The following SKAP1 variants were observed in gnomAD, a reference collection of about 807,000 sequenced individuals.
The protein encoded by SKAP1 is src kinase associated phosphoprotein 1.
In SKAP1, 44 loss-of-function variants were observed where a neutral mutation model predicts 58.5. The observed-to-expected ratio is 0.75, with a 90% CI of 0.59 to 0.97. The LOEUF (loss-of-function observed/expected upper bound fraction) is 0.97. SKAP1 is among the 50% of genes least tolerant of loss of function. SKAP1 has a pLI of 0.00. For missense variants in SKAP1, 390 were observed against 435.2 expected (o/e 0.90, Z 0.92); for synonymous variants, 127 against 149.7 (o/e 0.85, Z 1.11).
chr17:48,186,454 T>A (rs949102537), intron 6 of SKAP1, among the ~76,000 whole-genome samples: 8 of 148,472 alleles, frequency 5.4e-5, no homozygotes, highest in South Asian at 2.1e-4. Context: ...AAGCTGCAGT[T>A]TTTATTTATT....
rs779454127 is a variant in SKAP1 at position 48,182,479 on chromosome 17, A to C, written c.568-22T>G. 10 of 1,554,830 alleles carry C rather than the reference A, an allele frequency of 6.4e-6. No homozygotes were observed. In the South Asian group the frequency reaches 9.1e-5, roughly 14 times the overall value. ...TAAACTAGAGAAAAATCAGTGAATTAATTTATCACTGTCACTAAAATTTCC... is the reference window on the plus strand; with the variant it reads ...TAAACTAGAGAAAAATCAGTGAATTCATTTATCACTGTCACTAAAATTTCC... On this transcript the variant is annotated intron_variant, in intron 7 of 12. Coordinates refer to ENST00000336915, the MANE Select transcript of SKAP1 (RefSeq NM_003726.4).
chr17:48,430,844 G>T (rs2067909625), upstream of SKAP1, among the ~76,000 whole-genome samples: 1 of 152,224 alleles, frequency 6.6e-6, no homozygotes, highest in Admixed American at 6.5e-5. Context: ...AGCTGAGGGA[G>T]AGGAGAACAG....
chr17:48,212,030 C>A (rs950817059), intron 4 of SKAP1, among the ~76,000 whole-genome samples: 31 of 150,718 alleles, frequency 2.1e-4, no homozygotes, highest in Admixed American at 4.7e-4. Flanking sequence ...TTGTTCTGGG[C>A]AGCCACGAAC....
intron 11 of SKAP1, among the ~76,000 whole-genome samples, chr17:48,161,815 A>G (rs940527418): frequency 1.3e-5 from 2 of 152,244 alleles, no homozygotes; most frequent in Non-Finnish European, 2.9e-5. Context: ...TTACCTAGCC[A>G]GAATGTTTTC....
chr17:48,232,384 G>A (rs893621424), intron 4 of SKAP1, among the ~76,000 whole-genome samples: 1 of 152,172 alleles, frequency 6.6e-6, no homozygotes, highest in East Asian at 1.9e-4. Context: ...ACCTTTTTAT[G>A]TAAAGATTTC....
At chr17:48,434,158 A>C (rs917810598), upstream of SKAP1, among the ~76,000 whole-genome samples, 4 of 152,114 alleles carry the variant, frequency 2.6e-5, no homozygotes, top group Non-Finnish European at 4.4e-5. Flanking sequence ...CTCGGTCCCA[A>C]CCCCATCAAC....
intron 9 of SKAP1, among the ~76,000 whole-genome samples, chr17:48,171,008 G>T (rs954507183): frequency 3.3e-5 from 5 of 150,182 alleles, no homozygotes; most frequent in African/African-American, 9.8e-5. Flanking sequence ...CGTCCAGCCA[G>T]TCAGTCTCAT....
At chr17:48,270,966 G>A (rs2065623942) in intron 4 of SKAP1, among the ~76,000 whole-genome samples, 1 of 151,854 alleles carries the variant, frequency 6.6e-6, no homozygotes, top group Non-Finnish European at 1.5e-5. Context: ...GTTGGTGGGA[G>A]GGGGGCATGA....
chr17:48,256,169 A>G (rs1169428732), intron 4 of SKAP1, among the ~76,000 whole-genome samples: 1 of 149,888 alleles, frequency 6.7e-6, no homozygotes, highest in Non-Finnish European at 1.5e-5. Context: ...TCTTCAGTTT[A>G]CCAAAATGTG....
intron 2 of SKAP1, among the ~76,000 whole-genome samples, chr17:48,367,717 A>G (rs2067027608): frequency 1.3e-5 from 2 of 151,758 alleles, no homozygotes; most frequent in African/African-American, 4.8e-5. Flanking sequence ...CAGGAGTTCA[A>G]GACCAGCTTG....
chr17:48,427,926 G>GAGACAAAT (rs879543026), intron 1 of SKAP1, among the ~76,000 whole-genome samples: 5 of 152,014 alleles, frequency 3.3e-5, no homozygotes, highest in Non-Finnish European at 5.9e-5. Context: ...TGTGGTGGGG[G>GAGACAAAT]AGACAAATAG....
chr17:48,397,248 T>C (rs12940365), intron 1 of SKAP1, among the ~76,000 whole-genome samples: 50,734 of 152,054 alleles, frequency 0.33, 9,165 homozygotes, highest in African/African-American at 0.47. Context: ...AGGGGGGGGA[T>C]GGAGTCTCAC....
chr17:48,397,727 A>G (rs766077419), intron 1 of SKAP1, among the ~76,000 whole-genome samples: 61 of 152,340 alleles, frequency 4.0e-4, no homozygotes, highest in Non-Finnish European at 2.1e-4. Context: ...AATACAACCA[A>G]GTGAAGGAAC....
chr17:48,416,923 C>T (rs1235562402), intron 1 of SKAP1, among the ~76,000 whole-genome samples: 1 of 152,126 alleles, frequency 6.6e-6, no homozygotes, highest in Non-Finnish European at 1.5e-5. Context: ...TTAATTGAAA[C>T]CTTCATGGAA....
chr17:48,211,512 G>A (rs533556283), intron 4 of SKAP1, among the ~76,000 whole-genome samples: 1 of 152,164 alleles, frequency 6.6e-6, no homozygotes, highest in Non-Finnish European at 1.5e-5. Context: ...AACAGCATTC[G>A]AATATTCTGT....
chr17:48,435,669 T>A, the SKAP1 span, among the ~76,000 whole-genome samples: 1 of 152,182 alleles, frequency 6.6e-6, no homozygotes, highest in Non-Finnish European at 1.5e-5. Context: ...GGTAAAAAAA[T>A]TTAAGTTCCC....
chr17:48,431,435 G>A (rs1175783471), upstream of SKAP1, among the ~76,000 whole-genome samples: 1 of 152,234 alleles, frequency 6.6e-6, no homozygotes, highest in African/African-American at 2.4e-5. Context: ...TTTCCAGGTG[G>A]AAGGACCAGA....
At chr17:48,243,554 C>T (rs372655186) in intron 4 of SKAP1, among the ~76,000 whole-genome samples, 16 of 152,184 alleles carry the variant, frequency 1.1e-4, no homozygotes, top group East Asian at 9.7e-4. Flanking sequence ...TATATCCATA[C>T]GAATAGTGCC....
At chr17:48,145,400 G>A (rs1381593004) in intron 11 of SKAP1, among the ~76,000 whole-genome samples, 4 of 136,554 alleles carry the variant, frequency 2.9e-5, no homozygotes, top group African/African-American at 1.1e-4. Context: ...AAGGATTTAT[G>A]CTAATCTCCA....
Sources: allele counts gnomAD v4.1 joint callset (sites outside exome capture counted in the v4.1 genomes callset), GRCh38; gene constraint gnomAD v4.1.1; transcripts MANE v1.5; gene names NCBI Gene and HGNC (gene_info 2026-07-23, HGNC 2026-07-21).